The following NAV2 variants were observed in gnomAD, a reference collection of about 807,000 sequenced individuals.
The protein encoded by NAV2 is neuron navigator 2.
NAV2 carries 54 observed loss-of-function variants against 223.2 expected under a neutral mutation model. That is an observed-to-expected ratio of 0.24 (90% CI 0.19 to 0.30). The LOEUF is 0.30. Among genes scored for constraint, NAV2 ranks in the 10% least tolerant of loss-of-function variants. The pLI is 1.00. For synonymous variants in NAV2, 1,279 were observed against 1,239.3 expected (o/e 1.03, Z -0.67); for missense variants, 2,806 against 3,147.5 (o/e 0.89, Z 2.60).
rs187455962 is a variant in NAV2, at chr11:19,651,679, A to G, written c.76-180805A>G. Among the ~76,000 whole-genome samples the G allele has an allele frequency of 2.0e-5, 3 of 152,352 alleles. No individual in the cohort carries two copies. The East Asian group carries it at 5.8e-4, about 29-fold the overall frequency. ...GAAGTAAGTGGGATGATGTATGTGA[A>G]GCACTTAGCACCATGTGGCATGAGG... On this transcript the variant is annotated intron_variant, in intron 1 of 37. Transcript: ENST00000360655.
intron 1 of NAV2, among the ~76,000 whole-genome samples, chr11:19,527,916 A>G (rs2043893395): frequency 1.4e-5 from 2 of 148,014 alleles, no homozygotes; most frequent in South Asian, 4.2e-4. Flanking sequence ...GCCAAGTCAC[A>G]AGGAGATAGC....
At chr11:19,759,202 C>T (rs1417749564) in intron 1 of NAV2, among the ~76,000 whole-genome samples, 2 of 151,368 alleles carry the variant, frequency 1.3e-5, no homozygotes, top group South Asian at 4.2e-4. Flanking sequence ...CCTGTCTCAG[C>T]CTCCCCAGCA....
At chr11:19,558,486 G>A (rs1565048630) in intron 1 of NAV2, among the ~76,000 whole-genome samples, 1 of 152,214 alleles carries the variant, frequency 6.6e-6, no homozygotes, top group Non-Finnish European at 1.5e-5. Context: ...TTGAAAAAGA[G>A]ACCCAGAGCC....
At chr11:20,113,819 G>A (rs956643623) in intron 36 of NAV2, among the ~76,000 whole-genome samples, 1 of 151,940 alleles carries the variant, frequency 6.6e-6, no homozygotes, top group Non-Finnish European at 1.5e-5. Flanking sequence ...GACCAGCCTG[G>A]GCAATATAGA....
At chr11:19,879,618 C>T (rs1310392044) in intron 4 of NAV2, among the ~76,000 whole-genome samples, 1 of 152,160 alleles carries the variant, frequency 6.6e-6, no homozygotes, top group African/African-American at 2.4e-5. Flanking sequence ...GGTGTCCTTA[C>T]TGAGAATTTC....
At chr11:19,859,597 C>T (rs1021044816) in intron 3 of NAV2, among the ~76,000 whole-genome samples, 10 of 152,084 alleles carry the variant, frequency 6.6e-5, no homozygotes, top group Non-Finnish European at 1.5e-4. Flanking sequence ...ACCTTTCCCC[C>T]CTTTCTATTC....
chr11:19,456,877 T>C lies in NAV2; in HGVS notation c.75+105850T>C, dbSNP rs192977826. 2.0e-4 allele frequency among the ~76,000 whole-genome samples: 30 copies of C among 152,302 alleles called. 1 individual carries two copies. The East Asian group carries it at 2.7e-3, about 14-fold the overall frequency. On this transcript the variant is annotated intron_variant, in intron 1 of 37. Transcript: ENST00000360655. ...TGCTGTCATCTGCTTAACAGGCTGA[T>C]GTGAGGGAGGCAAACAGGAGATGAA...
intron 22 of NAV2, among the ~76,000 whole-genome samples, chr11:20,075,941 T>G (rs1440536835): frequency 6.6e-6 from 1 of 152,048 alleles, no homozygotes; most frequent in African/African-American, 2.4e-5. Flanking sequence ...CTACTCCCCC[T>G]GTCTACACCT....
chr11:19,880,029 C>A lies in NAV2; in HGVS notation c.672C>A (p.Thr224=), dbSNP rs1353281075. Residue 224 remains threonine, a synonymous_variant, in exon 5 of 38, where the codon ACC becomes ACA. Transcript: ENST00000349880. ...AGAPSQCQAG[T]PQQQVPVTPQ... Reference sequence around the variant, plus strand: ...CCCCCTCCCAGTGCCAGGCTGGCACCCCTCAGCAGCAGGTGCCAGTCACTC... The same window carrying A: ...CCCCCTCCCAGTGCCAGGCTGGCACACCTCAGCAGCAGGTGCCAGTCACTC... The A allele has an allele frequency of 2.5e-6, 4 of 1,613,742 alleles. No individual in the cohort carries two copies. The highest frequency in any genetic ancestry group is 3.4e-6 in the Non-Finnish European group (4 of 1,179,822).
intron 1 of NAV2, among the ~76,000 whole-genome samples, chr11:19,427,948 T>C (rs1850898260): frequency 6.6e-6 from 1 of 152,092 alleles, no homozygotes; most frequent in African/African-American, 2.4e-5. Context: ...ATCCCCCCGC[T>C]AGTTTGTTTT....
intron 1 of NAV2, among the ~76,000 whole-genome samples, chr11:19,420,485 T>C (rs1382060177): frequency 6.6e-6 from 1 of 152,220 alleles, no homozygotes; most frequent in African/African-American, 2.4e-5. Context: ...ATAGCAACAT[T>C]ACTTAGCCAA....
At chr11:19,546,103 A>G (rs977281499) in intron 1 of NAV2, among the ~76,000 whole-genome samples, 1 of 152,174 alleles carries the variant, frequency 6.6e-6, no homozygotes, top group Non-Finnish European at 1.5e-5. Context: ...AAAACCAAGC[A>G]GAGTCATTCT....
intron 6 of NAV2, 144 bp downstream of exon 6, chr11:19,892,738 A>G (rs1290589530): frequency 2.5e-6 from 2 of 803,190 alleles, no homozygotes; most frequent in African/African-American, 3.5e-5. Flanking sequence ...GGTAGGCAGG[A>G]ACTTTAGTAG....
At chr11:19,393,718 G>A (rs1261191394) in intron 1 of NAV2, among the ~76,000 whole-genome samples, 1 of 152,062 alleles carries the variant, frequency 6.6e-6, no homozygotes. Context: ...AATGTAATTG[G>A]ACATACCTCT....
At chr11:19,362,985 G>C (rs956606700) in intron 1 of NAV2, among the ~76,000 whole-genome samples, 2 of 152,156 alleles carry the variant, frequency 1.3e-5, no homozygotes, top group African/African-American at 4.8e-5. Context: ...ATGATGAAGG[G>C]TTTTTTAAAA....
chr11:19,398,828 C>T (rs1215087806), intron 1 of NAV2, among the ~76,000 whole-genome samples: 3 of 152,252 alleles, frequency 2.0e-5, no homozygotes, highest in African/African-American at 7.2e-5. Flanking sequence ...CCCACAGACA[C>T]ACTCACAGCT....
At chr11:19,740,339 T>C (rs1001391109) in intron 1 of NAV2, among the ~76,000 whole-genome samples, 1 of 152,142 alleles carries the variant, frequency 6.6e-6, no homozygotes, top group Non-Finnish European at 1.5e-5. Context: ...AAGATGTGCT[T>C]TGTTAAACAG....
chr11:19,844,721 A>G (rs562902747), intron 3 of NAV2, among the ~76,000 whole-genome samples: 2 of 152,250 alleles, frequency 1.3e-5, no homozygotes, highest in East Asian at 3.9e-4. Flanking sequence ...ACTTATAAAT[A>G]CTACCATAGC....
At chr11:19,685,484 G>C (rs937346801) in intron 1 of NAV2, among the ~76,000 whole-genome samples, 4 of 152,064 alleles carry the variant, frequency 2.6e-5, no homozygotes, top group African/African-American at 9.7e-5. Context: ...CAAGCTCTGC[G>C]GGCTCCAAGA....
Sources: gnomAD v4.1 joint callset for allele counts (sites outside exome capture counted in the v4.1 genomes callset) on GRCh38, gnomAD v4.1.1 for gene constraint, MANE v1.5 for transcripts, NCBI Gene and HGNC (gene_info 2026-07-23, HGNC 2026-07-21) for gene names.